Variants in MAST4 observed in about 807,000 individuals in gnomAD.
MAST4 encodes microtubule associated serine/threonine kinase family member 4, also known as microtubule-associated serine/threonine-protein kinase 4.
MAST4 carries 89 observed loss-of-function variants against 162.7 expected under a neutral mutation model. The ratio of observed to expected loss-of-function variants is 0.55; its 90% confidence interval spans 0.46 to 0.65. MAST4 has a LOEUF of 0.65. Among genes scored for constraint, MAST4 ranks in the 30% least tolerant of loss-of-function variants. The pLI is 0.00. For missense variants in MAST4, 3,153 were observed against 3,374.0 expected (o/e 0.93, Z 1.62); for synonymous variants, 1,479 against 1,361.1 (o/e 1.09, Z -1.91).
At chr5:66,980,239 A>G (rs1748623579) in intron 4 of MAST4, among the ~76,000 whole-genome samples, 1 of 152,228 alleles carries the variant, frequency 6.6e-6, no homozygotes, top group South Asian at 2.1e-4. Context: ...AGCCAGCTGC[A>G]GCCACAATGC....
rs75344256 is a variant in MAST4, at chr5:66,823,362, C to T, written c.642+34568C>T. On this transcript the variant is annotated intron_variant, in intron 3 of 28. Transcript: ENST00000403625. ...ATTTAACTTCTCTGAGTGTTGATTC[C>T]TCATCTGTGAAATGGGGATTATAAT... Among the ~76,000 whole-genome samples the T allele has an allele frequency of 5.8e-3, 881 of 152,228 alleles. 7 individuals are homozygous for T. The highest frequency in any genetic ancestry group is 0.019 in the African/African-American group (808 of 41,534).
intron 4 of MAST4, among the ~76,000 whole-genome samples, chr5:67,037,150 T>C (rs541011772): frequency 6.6e-6 from 1 of 152,096 alleles, no homozygotes; most frequent in African/African-American, 2.4e-5. Context: ...ATCCCAGCAC[T>C]TTGGGAGGCT....
At chr5:66,784,386 A>G (rs1359980694) in intron 2 of MAST4, among the ~76,000 whole-genome samples, 3 of 152,254 alleles carry the variant, frequency 2.0e-5, no homozygotes, top group African/African-American at 7.2e-5. Context: ...AATATTTGCT[A>G]CATTCTCCGG....
chr5:66,869,700 G>T (rs1760787458), intron 3 of MAST4, among the ~76,000 whole-genome samples: 1 of 152,174 alleles, frequency 6.6e-6, no homozygotes, highest in Admixed American at 6.5e-5. Context: ...GAATACTTAA[G>T]TATTGTAATA....
In MAST4 at chr5:66,889,650, G is replaced by A. The variant is rs147247859; in HGVS notation, c.643-10301G>A. 5.0e-3 allele frequency among the ~76,000 whole-genome samples: 760 copies of A among 152,180 alleles called. 5 individuals carry two copies. Among genetic ancestry groups the A allele is most frequent in the African/African-American group, 0.018 (731 of 41,516 alleles). On this transcript the variant is annotated intron_variant, in intron 3 of 28. Coordinates refer to ENST00000403625, the MANE Select transcript of MAST4 (RefSeq NM_001164664.2). ...CATACCCTTGCTCTTTTATTGAGTC[G>A]GTGCTGTCTCTTTACCGTAGCTCTG...
Position 67,164,872 on chromosome 5 carries a change from G to A in MAST4, c.5693G>A (p.Arg1898Lys). Residue 1898 changes from arginine (R) to lysine (K), a missense_variant, in exon 29 of 29, where the codon AGG becomes AAG. Around this residue, in one of 7 missense-constraint regions of MAST4, gnomAD observed 1,644 missense variants for 1,495.0 expected, o/e 1.10. Coordinates refer to ENST00000403625, the MANE Select transcript of MAST4 (RefSeq NM_001164664.2). The surrounding 1 kb of genome is among the most constrained non-coding windows in gnomAD (Gnocchi z 5.3). The stretch of plus-strand genomic sequence containing the variant: ...TCCCTGCCTGACCCAGAGTTCAAGA[G>A]GGACAGGAAAGGTCCCCATCCTACT... ...AVSLPDPEFK[R>K]DRKGPHPTAR... 1 of 1,614,014 alleles carries A rather than the reference G, an allele frequency of 6.2e-7. No homozygotes were observed. Among genetic ancestry groups the A allele is most frequent in the Non-Finnish European group, 8.5e-7 (1 of 1,179,896 alleles).
chr5:66,704,410 G>A (rs1296007636), intron 1 of MAST4, among the ~76,000 whole-genome samples: 1 of 151,726 alleles, frequency 6.6e-6, no homozygotes, highest in Non-Finnish European at 1.5e-5. Context: ...AGACTTTGTT[G>A]ACCTGACCAT....
chr5:66,933,909 G>A (rs770224052), intron 4 of MAST4, among the ~76,000 whole-genome samples: 2 of 152,022 alleles, frequency 1.3e-5, no homozygotes, highest in Admixed American at 6.6e-5. Context: ...CCTGGGTGGT[G>A]TTGAACTCCT....
At chr5:66,636,650 A>G (rs1408789724) in intron 1 of MAST4, among the ~76,000 whole-genome samples, 1 of 152,176 alleles carries the variant, frequency 6.6e-6, no homozygotes. Context: ...CACTTGTGGT[A>G]ATGACATCGA....
chr5:67,152,926 T>G (rs1772022160), intron 25 of MAST4, 60 bp downstream of exon 25: 4 of 1,387,266 alleles, frequency 2.9e-6, no homozygotes, highest in Non-Finnish European at 4.0e-6. Flanking sequence ...GGAGAGTGGA[T>G]AGGTTGGCTG....
At chr5:67,033,060 A>G (rs113639208) in intron 4 of MAST4, among the ~76,000 whole-genome samples, 227 of 152,178 alleles carry the variant, frequency 1.5e-3, no homozygotes, top group African/African-American at 5.2e-3. Context: ...TTAAGAATGA[A>G]TGGTCATACT....
At chr5:66,794,577 G>A (rs116035775) in intron 3 of MAST4, among the ~76,000 whole-genome samples, 217 of 152,292 alleles carry the variant, frequency 1.4e-3, no homozygotes, top group African/African-American at 5.0e-3. Context: ...ATTGAGGTAG[G>A]AATTTAACCT....
intron 3 of MAST4, among the ~76,000 whole-genome samples, chr5:66,827,258 T>G (rs1008823394): frequency 2.1e-4 from 32 of 152,352 alleles, no homozygotes; most frequent in African/African-American, 7.7e-4. Flanking sequence ...TATTTTGCTT[T>G]AGAGATGATA....
At chr5:66,760,349 C>T (rs1009465014) in intron 2 of MAST4, among the ~76,000 whole-genome samples, 7 of 151,994 alleles carry the variant, frequency 4.6e-5, no homozygotes, top group Non-Finnish European at 7.4e-5. Context: ...CTCTTGACCT[C>T]GTGATCTGCC....
chr5:67,136,724 C>A, intron 19 of MAST4, 60 bp downstream of exon 19: 1 of 1,324,852 alleles, frequency 7.5e-7, no homozygotes, highest in Non-Finnish European at 1.1e-6. Context: ...ACATGGAGCA[C>A]TCTGAAGCTT....
chr5:66,837,415 G>C (rs1477939426), intron 3 of MAST4, among the ~76,000 whole-genome samples: 1 of 151,954 alleles, frequency 6.6e-6, no homozygotes, highest in Non-Finnish European at 1.5e-5. Flanking sequence ...TAAATAAGTG[G>C]GTTTTGGGTG....
At chr5:66,787,494 C>T (rs1755170992) in intron 2 of MAST4, among the ~76,000 whole-genome samples, 1 of 152,240 alleles carries the variant, frequency 6.6e-6, no homozygotes, top group African/African-American at 2.4e-5. Context: ...CCCCTAGCTC[C>T]TGTGCTTTGA....
intron 3 of MAST4, among the ~76,000 whole-genome samples, chr5:66,821,330 AACTTT>A (rs1756985415): frequency 6.6e-6 from 1 of 152,210 alleles, no homozygotes; most frequent in South Asian, 2.1e-4. Flanking sequence ...TACCTTTGTT[AACTTT>A]AGAGGTTAGA....
chr5:66,643,044 A>G (rs1051053836), intron 1 of MAST4, among the ~76,000 whole-genome samples: 1 of 152,194 alleles, frequency 6.6e-6, no homozygotes, highest in Non-Finnish European at 1.5e-5. Context: ...TTCTCTTTGA[A>G]TGGACTGAAT....
Sources: allele counts gnomAD v4.1 joint callset (sites outside exome capture counted in the v4.1 genomes callset), GRCh38; gene constraint gnomAD v4.1.1; regional missense constraint gnomAD v4.1.1; non-coding constraint Gnocchi (gnomAD v3.1); transcripts MANE v1.5; gene names NCBI Gene and HGNC (gene_info 2026-07-23, HGNC 2026-07-21).